Variants in COG5 observed in about 807,000 individuals in gnomAD.
The protein encoded by COG5 is conserved oligomeric Golgi complex subunit 5.
Under a neutral mutation model 110.4 loss-of-function variants are expected in COG5, and 86 were observed. That is an observed-to-expected ratio of 0.78 (90% CI 0.65 to 0.93). COG5 has a LOEUF of 0.93. COG5 is among the 40% of genes least tolerant of loss of function. COG5 has a pLI of 0.00. For synonymous variants in COG5, 360 were observed against 334.6 expected, an observed-to-expected ratio of 1.08 and a Z score of -0.83; for missense variants, 1,077 against 987.0, an observed-to-expected ratio of 1.09 and a Z score of -1.22.
chr7:107,505,055 TG>T (rs1214380273), intron 6 of COG5, among the ~76,000 whole-genome samples: 5 of 152,224 alleles, frequency 3.3e-5, no homozygotes, highest in Non-Finnish European at 5.9e-5. Flanking sequence ...ATGTTGGTCA[TG>T]TGAGCAAGTT....
intron 6 of COG5, among the ~76,000 whole-genome samples, chr7:107,466,838 C>G (rs1563051341): frequency 6.6e-6 from 1 of 152,158 alleles, no homozygotes; most frequent in Non-Finnish European, 1.5e-5. Context: ...TGATTTTCAG[C>G]AATTAAAAAT....
At chr7:107,302,933 T>C (rs1807397558) in intron 11 of COG5, among the ~76,000 whole-genome samples, 2 of 152,196 alleles carry the variant, frequency 1.3e-5, no homozygotes, top group Admixed American at 6.5e-5. Flanking sequence ...TGTAATAAAG[T>C]TCTAAACATA....
intron 13 of COG5, 73 bp downstream of exon 13, chr7:107,283,498 G>C (rs1383940457): frequency 1.1e-5 from 14 of 1,280,428 alleles, no homozygotes; most frequent in African/African-American, 1.5e-5. Context: ...AAATTAAAAA[G>C]GTACTGCTAT....
intron 7 of COG5, among the ~76,000 whole-genome samples, chr7:107,397,826 TC>T (rs561372897): frequency 6.6e-6 from 1 of 151,942 alleles, no homozygotes; most frequent in Non-Finnish European, 1.5e-5. Context: ...TAGGCAGAAA[TC>T]GTTGATATTA....
At chr7:107,358,897 T>G (rs1584725148) in intron 10 of COG5, among the ~76,000 whole-genome samples, 1 of 152,248 alleles carries the variant, frequency 6.6e-6, no homozygotes, top group Admixed American at 6.5e-5. Flanking sequence ...CTCCTCTAGA[T>G]CTTGCCCCAT....
chr7:107,361,891 A>G (rs1813148003), intron 10 of COG5, 142 bp downstream of exon 10: 1 of 648,866 alleles, frequency 1.5e-6, no homozygotes, highest in Non-Finnish European at 2.8e-6. Context: ...AAGGAACATT[A>G]TTATAGTTGT....
At chr7:107,539,447 C>A (rs958421238) in intron 5 of COG5, among the ~76,000 whole-genome samples, 13 of 152,108 alleles carry the variant, frequency 8.5e-5, no homozygotes, top group African/African-American at 3.1e-4. Context: ...GCAAATACTA[C>A]ATAATGAATG....
chr7:107,438,554 G>A (rs999099100), intron 6 of COG5, among the ~76,000 whole-genome samples: 3 of 152,158 alleles, frequency 2.0e-5, no homozygotes, highest in African/African-American at 7.2e-5. Context: ...TTCTTACTCT[G>A]TCTTTTGTTA....
intron 19 of COG5, among the ~76,000 whole-genome samples, chr7:107,229,625 T>C (rs950148800): frequency 6.6e-6 from 1 of 152,154 alleles, no homozygotes; most frequent in Non-Finnish European, 1.5e-5. Flanking sequence ...CTGAAAAAAA[T>C]CTAAGTGTTC....
Position 107,500,784 on chromosome 7 carries a change from C to G in COG5, c.538+26453G>C, listed in dbSNP as rs942757842. On this transcript the variant is annotated intron_variant, in intron 6 of 21. Transcript: ENST00000297135. ...ATTCATCAAAAGAGATTTCAAATCT[C>G]TAACACAGAAGTTAAAAACAAATGA... Among the ~76,000 whole-genome samples, 33 of 152,094 alleles carry G rather than the reference C, an allele frequency of 2.2e-4. 1 individual carries two copies. The highest frequency in any genetic ancestry group is 7.5e-4 in the African/African-American group (31 of 41,436).
At chr7:107,556,411 C>T (rs1395524584) in intron 2 of COG5, among the ~76,000 whole-genome samples, 2 of 152,174 alleles carry the variant, frequency 1.3e-5, no homozygotes, top group Non-Finnish European at 2.9e-5. Context: ...ACATCCTAGG[C>T]CACTACAACT....
intron 21 of COG5, among the ~76,000 whole-genome samples, chr7:107,203,887 G>A (rs542733135): frequency 6.6e-5 from 10 of 151,970 alleles, no homozygotes; most frequent in South Asian, 2.1e-4. Context: ...TCATATACTC[G>A]GAGTCCTCTG....
chr7:107,560,110 C>A (rs541787544), intron 1 of COG5, among the ~76,000 whole-genome samples: 10 of 152,314 alleles, frequency 6.6e-5, no homozygotes, highest in Middle Eastern at 3.4e-3. Flanking sequence ...GGCTCTTGAG[C>A]ACAGACTGTT....
chr7:107,218,082 T>TA (rs1326208476), intron 19 of COG5, among the ~76,000 whole-genome samples: 1 of 152,004 alleles, frequency 6.6e-6, no homozygotes, highest in African/African-American at 2.4e-5. Flanking sequence ...AGAAAATACC[T>TA]ACATATAATA....
At chr7:107,207,258 G>A (rs1172506224) in intron 21 of COG5, among the ~76,000 whole-genome samples, 2 of 152,162 alleles carry the variant, frequency 1.3e-5, no homozygotes, top group Non-Finnish European at 2.9e-5. Context: ...GAACTGATAG[G>A]TAGCTAGTGA....
chr7:107,459,800 A>G (rs1455282797), intron 6 of COG5, among the ~76,000 whole-genome samples: 2 of 4,752 alleles, frequency 4.2e-4, no homozygotes, highest in Non-Finnish European at 6.3e-4. Context: ...TGGCTCAGGG[A>G]AAAAAAAAAA....
At chr7:107,401,932 C>G (rs1383473176) in intron 7 of COG5, among the ~76,000 whole-genome samples, 1 of 152,148 alleles carries the variant, frequency 6.6e-6, no homozygotes, top group Non-Finnish European at 1.5e-5. Context: ...CTTTTTGAAG[C>G]TTAAGATAAT....
At chr7:107,509,291 G>T (rs1799299740) in intron 6 of COG5, among the ~76,000 whole-genome samples, 1 of 152,138 alleles carries the variant, frequency 6.6e-6, no homozygotes, top group Non-Finnish European at 1.5e-5. Flanking sequence ...GGAAGAAAGG[G>T]TACCAGTGAT....
intron 16 of COG5, 109 bp from the exon 17 acceptor site, chr7:107,248,608 C>G (rs969049782): frequency 3.5e-5 from 26 of 738,114 alleles, no homozygotes; most frequent in Admixed American, 1.2e-4. Flanking sequence ...CATATTATAT[C>G]AAATGCAGAC....
Sources: gnomAD v4.1 joint callset for allele counts (sites outside exome capture counted in the v4.1 genomes callset) on GRCh38, gnomAD v4.1.1 for gene constraint, MANE v1.5 for transcripts, NCBI Gene and HGNC (gene_info 2026-07-23, HGNC 2026-07-21) for gene names.